The following WDPCP variants were observed in gnomAD, a reference collection of about 807,000 sequenced individuals.
WDPCP encodes the protein WD repeat-containing and planar cell polarity effector protein fritz homolog.
A neutral mutation model predicts 93.1 loss-of-function variants in WDPCP; 71 were observed. That is an observed-to-expected ratio of 0.76 (90% CI 0.63 to 0.93). WDPCP has a LOEUF of 0.93. Among genes scored for constraint, WDPCP ranks in the 40% least tolerant of loss-of-function variants. WDPCP has a pLI of 0.00. For synonymous variants in WDPCP, 315 were observed against 315.0 expected, an observed-to-expected ratio of 1.00 and a Z score of 0.00; for missense variants, 844 against 887.4, an observed-to-expected ratio of 0.95 and a Z score of 0.62.
intron 17 of WDPCP, among the ~76,000 whole-genome samples, chr2:63,146,542 C>A (rs1206419263): frequency 1.3e-5 from 2 of 151,950 alleles, no homozygotes; most frequent in Non-Finnish European, 2.9e-5. Context: ...CCATGCCCAG[C>A]TAATTTTTGT....
intron 14 of WDPCP, among the ~76,000 whole-genome samples, chr2:63,187,334 G>T (rs2104173448): frequency 6.6e-6 from 1 of 152,074 alleles, no homozygotes; most frequent in East Asian, 1.9e-4. Flanking sequence ...ATGTCTTTTG[G>T]CTGAGGGGTT....
intron 14 of WDPCP, among the ~76,000 whole-genome samples, chr2:63,219,635 C>T (rs1677648774): frequency 6.6e-6 from 1 of 152,162 alleles, no homozygotes; most frequent in Non-Finnish European, 1.5e-5. Context: ...ATAATTTTTA[C>T]ACATCTAAAA....
intron 6 of WDPCP, among the ~76,000 whole-genome samples, chr2:63,483,900 T>G (rs1700410483): frequency 1.3e-5 from 2 of 151,874 alleles, no homozygotes; most frequent in Admixed American, 1.3e-4. Context: ...GTACACTAAT[T>G]ATTATGTTCT....
intron 13 of WDPCP, among the ~76,000 whole-genome samples, chr2:63,293,936 A>G (rs530319084): frequency 9.2e-5 from 14 of 152,354 alleles, no homozygotes; most frequent in African/African-American, 3.4e-4. Flanking sequence ...ACTGCCAGAG[A>G]AAATCTTAAA....
intron 1 of WDPCP, among the ~76,000 whole-genome samples, chr2:63,521,025 A>G (rs1175115845): frequency 6.6e-6 from 1 of 152,128 alleles, no homozygotes; most frequent in African/African-American, 2.4e-5. Flanking sequence ...GAATTTTGTT[A>G]CCCCCAGACC....
intron 13 of WDPCP, among the ~76,000 whole-genome samples, chr2:63,261,947 C>A (rs1681666286): frequency 6.6e-6 from 1 of 152,108 alleles, no homozygotes; most frequent in Non-Finnish European, 1.5e-5. Context: ...CTGGGGGCAA[C>A]TAAAATGTAC....
the WDPCP span, among the ~76,000 whole-genome samples, chr2:63,833,209 T>C: frequency 9.9e-5 from 15 of 152,162 alleles, no homozygotes; most frequent in Admixed American, 5.2e-4. Flanking sequence ...GCTGAGGCTA[T>C]GCCACTGCAC....
At chr2:63,418,530 T>C (rs1695597567) in intron 9 of WDPCP, among the ~76,000 whole-genome samples, 2 of 152,232 alleles carry the variant, frequency 1.3e-5, no homozygotes, top group Admixed American at 6.5e-5. Flanking sequence ...TACTGGGTTC[T>C]TGGTCTTAAT....
At chr2:63,612,717 T>C (rs1368428974) in intron 3 of WDPCP, among the ~76,000 whole-genome samples, 2 of 152,304 alleles carry the variant, frequency 1.3e-5, no homozygotes, top group Non-Finnish European at 2.9e-5. Flanking sequence ...TAAACTCAAA[T>C]TCTAACCATC....
intron 12 of WDPCP, among the ~76,000 whole-genome samples, chr2:63,357,673 T>C (rs945494615): frequency 2.0e-5 from 3 of 152,160 alleles, no homozygotes; most frequent in Non-Finnish European, 4.4e-5. Context: ...GTTAATTTAG[T>C]CAACCACTGT....
intron 2 of WDPCP, among the ~76,000 whole-genome samples, chr2:63,488,350 T>C (rs1212785232): frequency 6.6e-6 from 1 of 152,012 alleles, no homozygotes. Flanking sequence ...AACTGAATGA[T>C]AAAACTTCAA....
chr2:63,488,071 C>T (rs746905875), intron 2 of WDPCP, among the ~76,000 whole-genome samples: 21 of 152,004 alleles, frequency 1.4e-4, no homozygotes, highest in Non-Finnish European at 2.8e-4. Flanking sequence ...CTGGGGCTAC[C>T]TAAGAAGCAA....
chr2:63,605,064 AT>A (rs1460136501), intron 3 of WDPCP, among the ~76,000 whole-genome samples: 1 of 152,190 alleles, frequency 6.6e-6, no homozygotes, highest in Non-Finnish European at 1.5e-5. Context: ...ACCAAGATCC[AT>A]GTCTTTGTCT....
At chr2:63,130,246 C>T (rs1481791412) in intron 17 of WDPCP, among the ~76,000 whole-genome samples, 2 of 152,032 alleles carry the variant, frequency 1.3e-5, no homozygotes, top group African/African-American at 4.8e-5. Flanking sequence ...TAGTTTTAGG[C>T]CTGTGTATAG....
chr2:63,588,395 T>G lies in WDPCP; in HGVS notation c.-124A>C. The G allele has an allele frequency of 8.6e-7, 1 of 1,160,884 alleles. No individual in the cohort carries two copies. Among genetic ancestry groups the G allele is most frequent in the Non-Finnish European group, 1.3e-6 (1 of 791,138 alleles). The allele number at this position is 1,160,884 out of a possible 1,614,324, so 71.9% of individuals were successfully genotyped here. On this transcript the variant is annotated 5_prime_UTR_variant, in exon 1 of 18. Coordinates refer to ENST00000272321, the MANE Select transcript of WDPCP (RefSeq NM_015910.7). ...CCGCCGCCGCCACAGTTTCCTCAGG[T>G]GCTACAAAGCAGCCAGGGTGTGCGT... is the stretch of plus-strand genomic sequence containing the variant.
At chr2:63,839,513 G>T in the WDPCP span, among the ~76,000 whole-genome samples, 1 of 152,218 alleles carries the variant, frequency 6.6e-6, no homozygotes, top group Non-Finnish European at 1.5e-5. Flanking sequence ...AGCCTAGACT[G>T]TGCCATTGCA....
At chr2:63,387,728 AAT>A (rs763920888) in intron 10 of WDPCP, among the ~76,000 whole-genome samples, 3 of 101,142 alleles carry the variant, frequency 3.0e-5, no homozygotes, top group Non-Finnish European at 6.6e-5. Context: ...CTGGAAACCC[AAT>A]AGTCTGCCCA....
intron 15 of WDPCP, among the ~76,000 whole-genome samples, chr2:63,169,774 C>T (rs867171323): frequency 1.6e-4 from 25 of 151,926 alleles, no homozygotes; most frequent in African/African-American, 4.3e-4. Context: ...TTTTGTTTTC[C>T]GCCATTTTCA....
chr2:63,628,121 G>C (rs1709829016), intron 3 of WDPCP, among the ~76,000 whole-genome samples: 1 of 152,214 alleles, frequency 6.6e-6, no homozygotes, highest in Admixed American at 6.5e-5. Flanking sequence ...GGCTGAGAAA[G>C]CTGAGGCAGC....
Sources: allele counts gnomAD v4.1 joint callset (sites outside exome capture counted in the v4.1 genomes callset), GRCh38; gene constraint gnomAD v4.1.1; transcripts MANE v1.5; gene names NCBI Gene and HGNC (gene_info 2026-07-23, HGNC 2026-07-21).